SYS1: variants seen among roughly 807,000 people sequenced by gnomAD.
SYS1 encodes the protein protein SYS1 homolog.
SYS1 carries 8 observed loss-of-function variants against 17.8 expected under a neutral mutation model. That is an observed-to-expected ratio of 0.45 (90% CI 0.26 to 0.81). The LOEUF (loss-of-function observed/expected upper bound fraction) is 0.81. Among genes scored for constraint, SYS1 ranks in the 40% least tolerant of loss-of-function variants. SYS1 has a pLI of 0.16. For missense variants in SYS1, 161 were observed against 203.9 expected (o/e 0.79, Z 1.28); for synonymous variants, 95 against 90.9 (o/e 1.05, Z -0.26).
In SYS1 at chr20:45,375,269, C is replaced by T. The variant is rs754674712; in HGVS notation, c.*975C>T. On this transcript the variant is annotated 3_prime_UTR_variant, in exon 4 of 4. Coordinates refer to the SYS1 transcript ENST00000426004. ...TTAATGAAGATGACTCGGGGGCCCT[C>T]GGTGAGTGGTTGCCTCCCCTGGACT... 5.0e-6 allele frequency: 8 copies of T among 1,614,036 alleles called. No homozygotes were observed. In the Admixed American group the frequency reaches 5.0e-5, roughly 10 times the overall value.
downstream of SYS1, chr20:45,374,179 C>A (rs1272479746): frequency 4.4e-6 from 3 of 678,424 alleles, no homozygotes; most frequent in South Asian, 1.6e-5. Flanking sequence ...GCACTCACCC[C>A]CTTCCTTTCG....
rs527686205 is a variant in SYS1 at position 45,368,048 on chromosome 20, G to A, written c.*933G>A. The A allele has an allele frequency of 1.0e-5, 10 of 985,442 alleles. No homozygotes were observed. Among genetic ancestry groups the A allele is most frequent in the Non-Finnish European group, 1.2e-5 (10 of 830,036 alleles). The allele number at this position is 985,442 out of a possible 1,614,324, so 61.0% of individuals were successfully genotyped here. ...TTTGCTGCTAAGATTTTTCTTTGGG[G>A]TGGAGTTTCCTCTGTGAGGGGCTTG... On this transcript the variant is annotated 3_prime_UTR_variant, in exon 4 of 4. Coordinates refer to ENST00000243918, the MANE Select transcript of SYS1 (RefSeq NM_033542.4).
At chr20:45,374,873 G>C in exon 4 of SYS1, 1 of 867,370 alleles carries the variant, frequency 1.2e-6, no homozygotes. Flanking sequence ...GTATGATGTT[G>C]GTCTAAGGCT....
chr20:45,374,557 C>T, exon 4 of SYS1: 1 of 511,518 alleles, frequency 2.0e-6, no homozygotes, highest in Non-Finnish European at 3.4e-6. Context: ...CAGGCGTGAG[C>T]CACCATGCCT....
intron 2 of SYS1, chr20:45,365,085 C>T (rs1988366982): frequency 4.8e-6 from 1 of 208,460 alleles, no homozygotes; most frequent in South Asian, 7.4e-5. Context: ...GTGGGAATGC[C>T]AGGCTTTGTT....
chr20:45,374,252 T>C (rs1361082081), intron 3 of SYS1: 2 of 694,126 alleles, frequency 2.9e-6, no homozygotes, highest in Admixed American at 4.2e-5. Flanking sequence ...TAAGGAACTT[T>C]CTGCTCAGAG....
chr20:45,376,074 T>C (rs1988722662), exon 4 of SYS1: 1 of 152,706 alleles, frequency 6.5e-6, no homozygotes, highest in Non-Finnish European at 1.5e-5. Flanking sequence ...GGTGAGACTC[T>C]GTCTCCATAC....
At chr20:45,365,809 A>T in intron 3 of SYS1, 123 bp downstream of exon 3, 1 of 962,906 alleles carries the variant, frequency 1.0e-6, no homozygotes, top group Non-Finnish European at 1.7e-6. Context: ...AGTGGGTGAC[A>T]GAGGCCAGTT....
chr20:45,363,298 T>A lies in SYS1; in HGVS notation c.-21T>A. ...GCCGGGCCACGCTCAGACACTTCGA[T>A]CGTCGAGTCTGTCACTGGTGAGTAG... is the stretch of plus-strand genomic sequence containing the variant. On this transcript the variant is annotated 5_prime_UTR_variant, in exon 1 of 4. Transcript: ENST00000243918. 7.5e-7 allele frequency: 1 copy of A among 1,333,470 alleles called. No homozygotes were observed. The highest frequency in any genetic ancestry group is 1.8e-5 in the South Asian group (1 of 54,540). The allele number at this position is 1,333,470 out of a possible 1,614,324, so 82.6% of individuals were successfully genotyped here. A position where few individuals can be genotyped will look rare whatever the true frequency, so the allele number is the denominator to read the frequency against.
intron 1 of SYS1, 106 bp downstream of exon 1, chr20:45,363,421 CT>C: frequency 6.9e-7 from 1 of 1,457,666 alleles, no homozygotes; most frequent in Non-Finnish European, 9.1e-7. Flanking sequence ...CGCCTTCCCC[CT>C]GACTCTTGGA....
exon 4 of SYS1, chr20:45,375,426 C>T (rs1988700130): frequency 1.2e-6 from 2 of 1,614,158 alleles, no homozygotes; most frequent in South Asian, 1.1e-5. Context: ...ACTTCCACTC[C>T]TTGTACTCTT....
Position 45,367,305 on chromosome 20 carries a change from G to C in SYS1, c.*190G>C. ...CAGTCAGCATGACAGCTGCAAGAAT[G>C]ACCTCTGTCTGTTGAAGCCTTGGTA... On this transcript the variant is annotated 3_prime_UTR_variant, in exon 4 of 4. Transcript: ENST00000243918. 7.0e-7 allele frequency: 1 copy of C among 1,421,708 alleles called. No individual in the cohort carries two copies. The highest frequency in any genetic ancestry group is 2.9e-5 in the Admixed American group (1 of 34,360). The allele number at this position is 1,421,708 out of a possible 1,614,324, so 88.1% of individuals were successfully genotyped here.
Position 45,365,616 on chromosome 20 carries a change from C to T in SYS1, c.163-3C>T. The T allele has an allele frequency of 1.2e-6, 2 of 1,614,144 alleles. No individual in the cohort carries two copies. Among genetic ancestry groups the T allele is most frequent in the Non-Finnish European group, 1.7e-6 (2 of 1,179,960 alleles). On this transcript the variant is annotated splice_region_variant and splice_polypyrimidine_tract_variant and intron_variant, in intron 2 of 3. Transcript: ENST00000243918. ...TATATTTCCATTTGTGATTCCCCCT[C>T]AGATCCTGGGCTTTTCCACCCCTCC...
downstream of SYS1, chr20:45,374,047 TGTCCC>T: frequency 6.2e-7 from 1 of 1,603,552 alleles, no homozygotes; most frequent in Non-Finnish European, 8.5e-7. Context: ...GCGCTAAGAC[TGTCCC>T]CAGGGGGCGC....
chr20:45,362,355 ATT>A (rs1383153098), upstream of SYS1, among the ~76,000 whole-genome samples: 2 of 7,868 alleles, frequency 2.5e-4, no homozygotes, highest in Non-Finnish European at 5.7e-4. Context: ...AATTTTATTT[ATT>A]TATTTATTTA....
chr20:45,366,082 G>T (rs1988403464), intron 3 of SYS1, among the ~76,000 whole-genome samples: 1 of 152,190 alleles, frequency 6.6e-6, no homozygotes, highest in Non-Finnish European at 1.5e-5. Context: ...TGATGTCTAA[G>T]GTCACACGTA....
At chr20:45,363,470 C>A in intron 1 of SYS1, 59 bp from the exon 2 acceptor site, 2 of 1,522,930 alleles carry the variant, frequency 1.3e-6, no homozygotes, top group Non-Finnish European at 1.8e-6. Context: ...TCCTCCCGGG[C>A]GGGGCGACGT....
In SYS1 at chr20:45,366,969, T is replaced by C. The variant is rs1988436414; in HGVS notation, c.325T>C (p.Tyr109His). Reference protein sequence around the residue: ...HFFHLLGCWFYSSRFPSALTW... With the variant: ...HFFHLLGCWFHSSRFPSALTW... ...CTTTCACCTCCTGGGCTGCTGGTTC[T>C]ACAGCTCCCGTTTCCCCTCGGCGCT... is the stretch of plus-strand genomic sequence containing the variant. The change falls in exon 4 of 4, where the codon TAC becomes CAC. Residue 109 changes from tyrosine to histidine, a missense_variant. Tyr to His is a moderately conservative substitution (Grantham distance 83). Coordinates refer to ENST00000243918, the MANE Select transcript of SYS1 (RefSeq NM_033542.4). The C allele has an allele frequency of 6.2e-6, 10 of 1,614,232 alleles. No homozygotes were observed. The highest frequency in any genetic ancestry group is 8.5e-6 in the Non-Finnish European group (10 of 1,180,042).
exon 4 of SYS1, chr20:45,375,390 G>T (rs762329343): frequency 1.2e-6 from 2 of 1,614,102 alleles, no homozygotes; most frequent in South Asian, 1.1e-5. Flanking sequence ...TTTTCTCCTT[G>T]TTCCTCATCC....
Sources: gnomAD v4.1 joint callset for allele counts (sites outside exome capture counted in the v4.1 genomes callset) on GRCh38, gnomAD v4.1.1 for gene constraint, MANE v1.5 for transcripts, NCBI Gene and HGNC (gene_info 2026-07-23, HGNC 2026-07-21) for gene names.